PEMT: variants seen among roughly 807,000 people sequenced by gnomAD.
PEMT encodes the protein phospholipid methyltransferase.
Under a neutral mutation model 27.4 loss-of-function variants are expected in PEMT, and 23 were observed. The observed-to-expected ratio is 0.84, with a 90% CI of 0.60 to 1.19. The LOEUF is 1.19. Among genes scored for constraint, PEMT ranks in the 50% most tolerant of loss-of-function variants. The pLI, the probability that PEMT is intolerant of heterozygous loss-of-function variation, is 0.00. For synonymous variants in PEMT, 137 were observed against 139.1 expected, an observed-to-expected ratio of 0.98 and a Z score of 0.11; for missense variants, 307 against 310.1, an observed-to-expected ratio of 0.99 and a Z score of 0.07.
At chr17:17,559,192 T>C (rs28636952) in intron 2 of PEMT, among the ~76,000 whole-genome samples, 19,608 of 152,154 alleles carry the variant, frequency 0.13, 2,259 homozygotes, top group African/African-American at 0.31. Context: ...CCCAGCCCCT[T>C]CTCCACGCCT....
chr17:17,567,649 C>G (rs1391430109), intron 2 of PEMT, among the ~76,000 whole-genome samples: 1 of 152,264 alleles, frequency 6.6e-6, no homozygotes, highest in Non-Finnish European at 1.5e-5. Flanking sequence ...ATTCGTTCTG[C>G]AGGAGTCCAG....
chr17:17,507,171 C>T (rs751691716), intron 5 of PEMT: 44 of 1,561,098 alleles, frequency 2.8e-5, no homozygotes, highest in Non-Finnish European at 3.8e-5. Flanking sequence ...ATAGTTACCT[C>T]TGATCCCACA....
intron 5 of PEMT, chr17:17,506,876 C>G (rs1038697945): frequency 2.1e-6 from 1 of 468,688 alleles, no homozygotes; most frequent in East Asian, 3.7e-5. Context: ...GCCCAGCCCT[C>G]AACACCTAGC....
intron 2 of PEMT, among the ~76,000 whole-genome samples, chr17:17,566,107 C>T (rs1253675331): frequency 2.0e-5 from 3 of 152,210 alleles, no homozygotes; most frequent in African/African-American, 7.2e-5. Context: ...AAAACTCATG[C>T]CTTGGAAATT....
At chr17:17,590,640 A>C (rs1912541003) in intron 1 of PEMT, among the ~76,000 whole-genome samples, 2 of 152,254 alleles carry the variant, frequency 1.3e-5, no homozygotes, top group African/African-American at 4.8e-5. Context: ...TGGATCAGTG[A>C]GTGAATAAAT....
chr17:17,532,538 G>A (rs1258578890), intron 2 of PEMT, among the ~76,000 whole-genome samples: 1 of 152,174 alleles, frequency 6.6e-6, no homozygotes, highest in Non-Finnish European at 1.5e-5. Flanking sequence ...TAAATGGACA[G>A]ACATCCCATG....
chr17:17,529,847 G>C (rs1229704913), intron 2 of PEMT, among the ~76,000 whole-genome samples: 2 of 152,180 alleles, frequency 1.3e-5, no homozygotes, highest in Non-Finnish European at 2.9e-5. Context: ...ACCCACCCCA[G>C]TGTCCACTGG....
intron 1 of PEMT, among the ~76,000 whole-genome samples, chr17:17,578,405 A>C (rs1406149179): frequency 2.0e-5 from 3 of 152,086 alleles, no homozygotes; most frequent in South Asian, 4.2e-4. Context: ...AGGCCAAGGC[A>C]AGAGGATCGC....
intron 5 of PEMT, chr17:17,506,930 C>T: frequency 1.8e-6 from 1 of 541,450 alleles, no homozygotes. Flanking sequence ...GCCCCACGCC[C>T]AGGAGCCCCC....
At chr17:17,570,380 G>A (rs1019497891) in intron 2 of PEMT, 1 of 369,448 alleles carries the variant, frequency 2.7e-6, no homozygotes, top group Non-Finnish European at 3.8e-6. Context: ...TGGCCCTCAA[G>A]GGACATCAGG....
intron 3 of PEMT, chr17:17,518,130 C>T (rs550193047): frequency 1.3e-5 from 13 of 985,526 alleles, no homozygotes; most frequent in Admixed American, 6.1e-5. Flanking sequence ...TTCCGATGTG[C>T]GCTGGAGCAC....
In PEMT at chr17:17,522,402, C is replaced by T. The variant is rs772833062; in HGVS notation, c.205-7G>A. ...TGTGTTCCCATCGTGCAACCTAAACCGTGAGCAGAGAACAAGAACGAGATA... is the reference window on the plus strand; with the variant it reads ...TGTGTTCCCATCGTGCAACCTAAACTGTGAGCAGAGAACAAGAACGAGATA... On this transcript the variant is annotated splice_polypyrimidine_tract_variant and splice_region_variant and intron_variant, in intron 2 of 6. Transcript: ENST00000255389. 57 of 1,580,072 alleles carry T rather than the reference C, an allele frequency of 3.6e-5. 1 individual carries two copies. Among genetic ancestry groups the T allele is most frequent in the Non-Finnish European group, 4.6e-5 (53 of 1,151,536 alleles).
intron 2 of PEMT, 135 bp downstream of exon 2, chr17:17,576,785 C>T (rs1404302898): frequency 2.0e-5 from 14 of 708,300 alleles, no homozygotes; most frequent in East Asian, 2.7e-5. Flanking sequence ...CACCAGCCAG[C>T]GACAGACACG....
chr17:17,541,194 C>T (rs966703507), intron 2 of PEMT, among the ~76,000 whole-genome samples: 3 of 152,206 alleles, frequency 2.0e-5, no homozygotes, highest in Non-Finnish European at 4.4e-5. Flanking sequence ...AGGCGCCAGG[C>T]CCAAGACTGG....
At position 17,513,147 on chromosome 17, in the gene PEMT, C is replaced by G. The variant is rs1447387762; in HGVS notation, c.321-493G>C. Among the ~76,000 whole-genome samples, 2 of 152,208 alleles carry G rather than the reference C, an allele frequency of 1.3e-5. No individual in the cohort carries two copies. The highest frequency in any genetic ancestry group is 2.9e-5 in the Non-Finnish European group (2 of 68,042). Reference sequence around the variant, plus strand: ...CCCGAGGCCTGGGGCATGCTCTGTGCTAGGGATTGCGCTTCCACAGCCCCT... The same window carrying G: ...CCCGAGGCCTGGGGCATGCTCTGTGGTAGGGATTGCGCTTCCACAGCCCCT... On this transcript the variant is annotated intron_variant, in intron 3 of 6. Transcript: ENST00000255389. This position sits in a 1 kb window ranked among gnomAD's most constrained non-coding sequence, Gnocchi z 4.1.
intron 1 of PEMT, among the ~76,000 whole-genome samples, chr17:17,584,491 G>A (rs1416695805): frequency 6.6e-6 from 1 of 151,936 alleles, no homozygotes; most frequent in Admixed American, 6.6e-5. Context: ...TTATTTTGTA[G>A]ACATGGAGTC....
chr17:17,531,467 A>G (rs1358919172), intron 2 of PEMT, among the ~76,000 whole-genome samples: 2 of 152,150 alleles, frequency 1.3e-5, no homozygotes, highest in African/African-American at 2.4e-5. Context: ...TGAAAATACA[A>G]AAAACTTAGA....
Position 17,561,389 on chromosome 17 carries a change from TC to T in PEMT, c.204+15530del, listed in dbSNP as rs1433709300. Among the ~76,000 whole-genome samples the T allele has an allele frequency of 2.0e-5, 3 of 151,794 alleles. No homozygotes were observed. Among genetic ancestry groups the T allele is most frequent in the Admixed American group, 2.0e-4 (3 of 15,252 alleles). ...GTGAGGCTGCAAGCTGGAAGCTAAGTCCCCCTGAGTCCCTGCCTGAGCCCAA... is the reference window on the plus strand; with the variant it reads ...GTGAGGCTGCAAGCTGGAAGCTAAGTCCCCTGAGTCCCTGCCTGAGCCCAA... On this transcript the variant is annotated intron_variant, in intron 2 of 6. Coordinates refer to ENST00000255389, the MANE Select transcript of PEMT (RefSeq NM_148172.3). The surrounding 1 kb of genome is among the most constrained non-coding windows in gnomAD (Gnocchi z 4.5).
intron 3 of PEMT, chr17:17,518,288 G>A (rs912720419): frequency 1.3e-5 from 5 of 371,252 alleles, no homozygotes; most frequent in Non-Finnish European, 1.9e-5. Context: ...TCCACGCCTC[G>A]CCCACCCCCG....
Sources: gnomAD v4.1 joint callset for allele counts (sites outside exome capture counted in the v4.1 genomes callset) on GRCh38, gnomAD v4.1.1 for gene constraint, Gnocchi (gnomAD v3.1) non-coding constraint, MANE v1.5 for transcripts, NCBI Gene and HGNC (gene_info 2026-07-23, HGNC 2026-07-21) for gene names.